The following TMEM132B variants were observed in gnomAD, a reference collection of about 807,000 sequenced individuals.
TMEM132B encodes transmembrane protein 132B.
TMEM132B carries 18 observed loss-of-function variants against 90.8 expected under a neutral mutation model. That is an observed-to-expected ratio of 0.20 (90% CI 0.14 to 0.29). The LOEUF (loss-of-function observed/expected upper bound fraction) is 0.29, where lower values mean the gene tolerates loss of function less well. Among genes scored for constraint, TMEM132B ranks in the 10% least tolerant of loss-of-function variants. The pLI is 1.00. For synonymous variants in TMEM132B, 504 were observed against 523.3 expected, an observed-to-expected ratio of 0.96 and a Z score of 0.50; for missense variants, 1,096 against 1,326.8, an observed-to-expected ratio of 0.83 and a Z score of 2.70.
At chr12:125,616,798 G>T (rs963486470) in intron 5 of TMEM132B, among the ~76,000 whole-genome samples, 7 of 152,168 alleles carry the variant, frequency 4.6e-5, no homozygotes, top group African/African-American at 1.7e-4. Flanking sequence ...TGGCCTTTGG[G>T]AGGTAGTTAA....
chr12:125,607,955 A>G (rs981738102), intron 5 of TMEM132B, among the ~76,000 whole-genome samples: 5 of 152,202 alleles, frequency 3.3e-5, no homozygotes, highest in Admixed American at 2.0e-4. Flanking sequence ...TTATAACCCA[A>G]TAATATTTCA....
chr12:125,422,040 T>TA (rs1271379432), intron 3 of TMEM132B, among the ~76,000 whole-genome samples: 2 of 152,232 alleles, frequency 1.3e-5, no homozygotes, highest in African/African-American at 4.8e-5. Flanking sequence ...GAACATGTAA[T>TA]ATGTCTTTGA....
intron 3 of TMEM132B, among the ~76,000 whole-genome samples, chr12:125,473,101 C>A (rs1238499424): frequency 1.3e-5 from 2 of 152,158 alleles, no homozygotes; most frequent in African/African-American, 2.4e-5. Context: ...GTTTATCTGG[C>A]ACCCTCCTCC....
At chr12:125,306,725 C>T (rs753162021) in intron 1 of TMEM132B, among the ~76,000 whole-genome samples, 2 of 152,244 alleles carry the variant, frequency 1.3e-5, no homozygotes, top group Non-Finnish European at 2.9e-5. Flanking sequence ...CCTTCTCAAT[C>T]CTTTCTTCCC....
At chr12:125,640,030 G>T (rs1228810352) in intron 5 of TMEM132B, among the ~76,000 whole-genome samples, 1 of 152,136 alleles carries the variant, frequency 6.6e-6, no homozygotes, top group Non-Finnish European at 1.5e-5. Context: ...CTGGGCCACG[G>T]CTGGCTCCCT....
chr12:125,201,672 C>T (rs1436061501), intron 1 of TMEM132B, among the ~76,000 whole-genome samples: 1 of 152,222 alleles, frequency 6.6e-6, no homozygotes, highest in Non-Finnish European at 1.5e-5. Context: ...TACTTAATGT[C>T]TCTGTGCCAT....
At chr12:125,211,126 T>C (rs1873309296) in intron 1 of TMEM132B, among the ~76,000 whole-genome samples, 2 of 151,744 alleles carry the variant, frequency 1.3e-5, no homozygotes, top group Non-Finnish European at 2.9e-5. Context: ...ATGTGGAGTA[T>C]GAAAGAAAGA....
At chr12:125,399,487 G>GTA (rs1406045482) in intron 2 of TMEM132B, among the ~76,000 whole-genome samples, 4 of 141,010 alleles carry the variant, frequency 2.8e-5, no homozygotes, top group African/African-American at 1.2e-4. Context: ...GTGTGTATGT[G>GTA]TGTGTGTGTG....
intron 1 of TMEM132B, among the ~76,000 whole-genome samples, chr12:125,331,407 G>T (rs116717465): frequency 0.019 from 2,958 of 152,364 alleles, 103 homozygotes; most frequent in African/African-American, 0.068. Context: ...CCTGGGGTCT[G>T]TGTGAAGGGG....
intron 4 of TMEM132B, among the ~76,000 whole-genome samples, chr12:125,544,268 G>C (rs1884031351): frequency 6.6e-6 from 1 of 152,114 alleles, no homozygotes. Context: ...GTTGATAGGT[G>C]CAACAAACCA....
At chr12:125,288,956 T>G (rs4765035) in intron 1 of TMEM132B, among the ~76,000 whole-genome samples, 127,259 of 152,206 alleles carry the variant, frequency 0.84, 53,458 homozygotes, top group African/African-American at 0.92. Context: ...GGGCAGGCGG[T>G]GCCATGCAGA....
chr12:125,288,860 C>T (rs920355627), intron 1 of TMEM132B, among the ~76,000 whole-genome samples: 5 of 152,094 alleles, frequency 3.3e-5, no homozygotes, highest in Non-Finnish European at 1.5e-5. Context: ...GTATTCCTCA[C>T]AGTGGGGTGC....
intron 1 of TMEM132B, among the ~76,000 whole-genome samples, chr12:125,237,593 C>T (rs192682723): frequency 2.2e-4 from 34 of 152,146 alleles, no homozygotes; most frequent in African/African-American, 7.7e-4. Flanking sequence ...GGATTACCAG[C>T]GCCCACCACC....
At chr12:125,449,128 G>A (rs377212392) in intron 3 of TMEM132B, among the ~76,000 whole-genome samples, 30 of 151,774 alleles carry the variant, frequency 2.0e-4, no homozygotes, top group Admixed American at 2.0e-4. Context: ...CATCATGCCC[G>A]GCTAAATTTT....
At chr12:125,563,607 A>AAAAAAAC (rs374367688) in intron 4 of TMEM132B, among the ~76,000 whole-genome samples, 5 of 149,696 alleles carry the variant, frequency 3.3e-5, no homozygotes, top group South Asian at 4.3e-4. Flanking sequence ...ACAAAAAAAA[A>AAAAAAAC]CCCCACAGTA....
Position 125,332,583 on chromosome 12 carries a change from CTTTTTTTTTTTTT to C in TMEM132B, c.68-16846_68-16834del, listed in dbSNP as rs201828438. ...CTGAGAAATTAATTCAGAGAGTTGG[CTTTTTTTTTTTTT>C]TTTTTTTTTTTTTTTTTTTTTTAAG... is the stretch of plus-strand genomic sequence containing the variant. On this transcript the variant is annotated intron_variant, in intron 1 of 8. Coordinates refer to ENST00000682704, the MANE Select transcript of TMEM132B (RefSeq NM_001366854.1). Among the ~76,000 whole-genome samples the C allele has an allele frequency of 3.6e-3, 191 of 52,416 alleles. 4 individuals carry two copies. The East Asian group carries it at 0.081, about 22-fold the overall frequency. 34.4% of individuals were successfully genotyped at this position (52,416 alleles called of 152,430 possible). A position where few individuals can be genotyped will look rare whatever the true frequency, so the allele number is the denominator to read the frequency against.
chr12:125,548,075 G>A (rs1243941778), intron 4 of TMEM132B, among the ~76,000 whole-genome samples: 1 of 152,164 alleles, frequency 6.6e-6, no homozygotes, highest in East Asian at 1.9e-4. Flanking sequence ...GTCTCCTGGG[G>A]CCACAGAGAA....
intron 5 of TMEM132B, among the ~76,000 whole-genome samples, chr12:125,621,508 G>C (rs1886111442): frequency 6.6e-6 from 1 of 152,132 alleles, no homozygotes; most frequent in South Asian, 2.1e-4. Context: ...AAGGTATGTG[G>C]ACCAAATTTA....
rs532669131 is a variant in TMEM132B, at chr12:125,591,026, T to C, written c.1437+7032T>C. Reference sequence around the variant, plus strand: ...GTGTACGCATGCACGCCCGCGTGTGTGTGTGTGTGTTTGTGTGTGTGTGTG... The same window carrying C: ...GTGTACGCATGCACGCCCGCGTGTGCGTGTGTGTGTTTGTGTGTGTGTGTG... On this transcript the variant is annotated intron_variant, in intron 5 of 8. Transcript: ENST00000682704. Among the ~76,000 whole-genome samples, 5 of 151,982 alleles carry C rather than the reference T, an allele frequency of 3.3e-5. No individual in the cohort carries two copies. The South Asian group carries it at 1.0e-3, about 32-fold the overall frequency.
Sources: allele counts gnomAD v4.1 joint callset (sites outside exome capture counted in the v4.1 genomes callset), GRCh38; gene constraint gnomAD v4.1.1; transcripts MANE v1.5; gene names NCBI Gene and HGNC (gene_info 2026-07-23, HGNC 2026-07-21).